SLC25A42: variants seen among roughly 807,000 people sequenced by gnomAD.
SLC25A42 encodes mitochondrial coenzyme A transporter SLC25A42.
In SLC25A42, 19 loss-of-function variants were observed where a neutral mutation model predicts 34.7. The observed-to-expected ratio is 0.55, with a 90% confidence interval of 0.38 to 0.80. The LOEUF (loss-of-function observed/expected upper bound fraction) is 0.80. Ranked by LOEUF, SLC25A42 falls within the 30% of genes least tolerant of loss-of-function variation. The pLI is 0.00. For missense variants in SLC25A42, 364 were observed against 441.3 expected, an observed-to-expected ratio of 0.82 and a Z score of 1.57; for synonymous variants, 205 against 191.2, an observed-to-expected ratio of 1.07 and a Z score of -0.59.
rs1342071863 is a variant in SLC25A42 at position 19,081,832 on chromosome 19, G to A, written c.-34-14259G>A. ...TTTAGCCGAGTGACCTCTGTCCCTG[G>A]AGACCCATTCCTTCTCTCACTAGCC... On this transcript the variant is annotated intron_variant, in intron 1 of 7. Coordinates refer to ENST00000318596, the MANE Select transcript of SLC25A42 (RefSeq NM_178526.5). The surrounding 1 kb of genome is among the most constrained non-coding windows in gnomAD (Gnocchi z 4.5). 7.2e-5 allele frequency among the ~76,000 whole-genome samples: 11 copies of A among 152,222 alleles called. No individual in the cohort carries two copies.
At chr19:19,107,404 G>A (rs1446967765) in intron 6 of SLC25A42, among the ~76,000 whole-genome samples, 1 of 151,816 alleles carries the variant, frequency 6.6e-6, no homozygotes, top group Non-Finnish European at 1.5e-5. Flanking sequence ...AGGCTGGGGT[G>A]GGTGGATCAC....
chr19:19,094,485 A>G (rs2059754372), intron 1 of SLC25A42, among the ~76,000 whole-genome samples: 1 of 152,050 alleles, frequency 6.6e-6, no homozygotes, highest in South Asian at 2.1e-4. Flanking sequence ...GTTTCTGAAC[A>G]TGCCCTCCAT....
At chr19:19,085,561 A>T (rs1471123853) in intron 1 of SLC25A42, among the ~76,000 whole-genome samples, 1 of 152,078 alleles carries the variant, frequency 6.6e-6, no homozygotes, top group African/African-American at 2.4e-5. Context: ...TTGTATTTTT[A>T]GTAGAAATGG....
In SLC25A42 at chr19:19,080,035, C is replaced by A. The variant is rs147248858; in HGVS notation, c.-35+15920C>A. Among the ~76,000 whole-genome samples, 1,158 of 152,336 alleles carry A rather than the reference C, an allele frequency of 7.6e-3. 4 individuals carry two copies. The highest frequency in any genetic ancestry group is 0.012 in the Non-Finnish European group (789 of 68,036). On this transcript the variant is annotated intron_variant, in intron 1 of 7. Transcript: ENST00000318596. ...GCATACAAGGACACCAGTTTCTCCA[C>A]TTGCTCGCCTGGCAGGTTTTAGTCA...
Position 19,111,002 on chromosome 19 carries a change from G to C in SLC25A42, c.*126G>C, listed in dbSNP as rs1378932418. The C allele has an allele frequency of 1.8e-6, 2 of 1,121,988 alleles. No individual in the cohort carries two copies. The highest frequency in any genetic ancestry group is 3.2e-5 in the African/African-American group (2 of 63,292). 69.5% of individuals were successfully genotyped at this position (1,121,988 alleles called of 1,614,324 possible). A position where few individuals can be genotyped will look rare whatever the true frequency, so the allele number is the denominator to read the frequency against. ...CATGGGGCGCTTTATGGAACGAGCA[G>C]GTGGGCCTGAGGGGCCTGGGCTCAG... On this transcript the variant is annotated 3_prime_UTR_variant, in exon 8 of 8. Transcript: ENST00000318596.
chr19:19,077,183 G>A (rs1250818675), intron 1 of SLC25A42, among the ~76,000 whole-genome samples: 1 of 152,006 alleles, frequency 6.6e-6, no homozygotes, highest in Non-Finnish European at 1.5e-5. Flanking sequence ...GAGACCCTGT[G>A]TCAAAAATAA....
At chr19:19,080,167 G>A (rs945598295) in intron 1 of SLC25A42, among the ~76,000 whole-genome samples, 1 of 152,210 alleles carries the variant, frequency 6.6e-6, no homozygotes, top group Non-Finnish European at 1.5e-5. Context: ...CTCAGATGAG[G>A]AGGCCGAGGT....
intron 1 of SLC25A42, among the ~76,000 whole-genome samples, chr19:19,065,589 G>A (rs528569479): frequency 2.0e-5 from 3 of 152,078 alleles, no homozygotes; most frequent in East Asian, 1.9e-4. Flanking sequence ...CTGCAAAGAC[G>A]GTACCAGAAT....
intron 1 of SLC25A42, among the ~76,000 whole-genome samples, chr19:19,071,931 A>C (rs1188549077): frequency 1.3e-5 from 2 of 152,170 alleles, no homozygotes; most frequent in Non-Finnish European, 2.9e-5. Context: ...GGGACAAATC[A>C]TCTAAGTTTT....
chr19:19,099,643 A>G (rs1320231749), intron 2 of SLC25A42, among the ~76,000 whole-genome samples: 2 of 152,124 alleles, frequency 1.3e-5, no homozygotes, highest in Non-Finnish European at 2.9e-5. Flanking sequence ...GTTACACCTG[A>G]GTAGTGCGCC....
chr19:19,094,695 C>T (rs915819590), intron 1 of SLC25A42, among the ~76,000 whole-genome samples: 9 of 152,194 alleles, frequency 5.9e-5, no homozygotes, highest in Non-Finnish European at 1.2e-4. Flanking sequence ...GGGGCCTCTG[C>T]ACCCTTTGCT....
At chr19:19,090,114 G>A (rs1367267125) in intron 1 of SLC25A42, among the ~76,000 whole-genome samples, 3 of 152,132 alleles carry the variant, frequency 2.0e-5, no homozygotes, top group Admixed American at 2.0e-4. Context: ...CTTTGAACTT[G>A]TGAGTGAGTT....
chr19:19,089,269 T>C (rs1329830917), intron 1 of SLC25A42, among the ~76,000 whole-genome samples: 4 of 152,096 alleles, frequency 2.6e-5, no homozygotes, highest in African/African-American at 9.7e-5. Context: ...GCCTCACGCC[T>C]ATAATCCCAG....
At chr19:19,105,110 C>T (rs899178591) in intron 4 of SLC25A42, 172 bp downstream of exon 4, 7 of 758,298 alleles carry the variant, frequency 9.2e-6, no homozygotes, top group Middle Eastern at 3.7e-4. Context: ...GACGGGACAT[C>T]CCGAGTGTCC....
chr19:19,090,848 C>T (rs1202488226), intron 1 of SLC25A42, among the ~76,000 whole-genome samples: 1 of 152,200 alleles, frequency 6.6e-6, no homozygotes, highest in African/African-American at 2.4e-5. Context: ...AGAAACAGTG[C>T]TTCCTGCTTC....
At position 19,110,642 on chromosome 19, in the gene SLC25A42, G is replaced by A; in HGVS notation, c.723G>A (p.Gln241=). The A allele has an allele frequency of 6.5e-7, 1 of 1,544,822 alleles. No individual in the cohort carries two copies. Among genetic ancestry groups the A allele is most frequent in the Non-Finnish European group, 8.7e-7 (1 of 1,146,282 alleles). ...GCGCCTGCGCTGGCCTCATCGGGCA[G>A]TCGGCCTCGTACCCGCTGGATGTGG... ...IFGACAGLIG[Q]SASYPLDVVR... The change falls in exon 8 of 8, where the codon CAG becomes CAA. Residue 241 remains glutamine, a synonymous_variant. Coordinates refer to ENST00000318596, the MANE Select transcript of SLC25A42 (RefSeq NM_178526.5).
chr19:19,110,747 G>A lies in SLC25A42; in HGVS notation c.828G>A (p.Arg276=), dbSNP rs1364003543. 1 of 1,612,496 alleles carries A rather than the reference G, an allele frequency of 6.2e-7. No homozygotes were observed. Among genetic ancestry groups the A allele is most frequent in the Non-Finnish European group, 8.5e-7 (1 of 1,179,578 alleles). Residue 276 remains arginine, a synonymous_variant, in exon 8 of 8, where the codon CGG becomes CGA. Transcript: ENST00000318596. The part of the protein sequence containing the change: ...SIARTLRTIV[R]EEGAVRGLYK... ...CCCGCACGCTGCGCACCATCGTGCGGGAGGAGGGCGCCGTGCGCGGCCTCT... is the reference window on the plus strand; with the variant it reads ...CCCGCACGCTGCGCACCATCGTGCGAGAGGAGGGCGCCGTGCGCGGCCTCT...
intron 1 of SLC25A42, among the ~76,000 whole-genome samples, chr19:19,094,797 T>G (rs2059755791): frequency 6.6e-6 from 1 of 152,188 alleles, no homozygotes. Context: ...TCCCAGCATT[T>G]TGGGAGGCTG....
At chr19:19,079,117 G>A (rs1477318436) in intron 1 of SLC25A42, among the ~76,000 whole-genome samples, 4 of 151,152 alleles carry the variant, frequency 2.6e-5, no homozygotes, top group East Asian at 1.9e-4. Flanking sequence ...GTGCAATGGC[G>A]CAATCTCGGC....
Sources: gnomAD v4.1 joint callset for allele counts (sites outside exome capture counted in the v4.1 genomes callset) on GRCh38, gnomAD v4.1.1 for gene constraint, Gnocchi (gnomAD v3.1) non-coding constraint, MANE v1.5 for transcripts, NCBI Gene and HGNC (gene_info 2026-07-23, HGNC 2026-07-21) for gene names.